The following ARID1B variants were observed in gnomAD, a reference collection of about 807,000 sequenced individuals.
The protein encoded by ARID1B is AT-rich interaction domain 1B, also known as AT-rich interactive domain-containing protein 1B.
A neutral mutation model predicts 212.3 loss-of-function variants in ARID1B; 30 were observed. That is an observed-to-expected ratio of 0.14 (90% confidence interval 0.11 to 0.19). The LOEUF (loss-of-function observed/expected upper bound fraction) is 0.19. ARID1B is among the 10% of genes least tolerant of loss of function. The pLI, the probability that ARID1B is intolerant of heterozygous loss-of-function variation, is 1.00. For missense variants in ARID1B, 2,891 were observed against 3,204.0 expected (o/e 0.90, Z 2.36); for synonymous variants, 1,402 against 1,301.7 (o/e 1.08, Z -1.66).
At chr6:157,017,310 A>C (rs1466006748) in intron 4 of ARID1B, among the ~76,000 whole-genome samples, 1 of 152,242 alleles carries the variant, frequency 6.6e-6, no homozygotes, top group Non-Finnish European at 1.5e-5. Context: ...AGTTTTGGGA[A>C]GGCAGATTGG....
At chr6:156,793,855 A>C (rs1030640914) in intron 1 of ARID1B, among the ~76,000 whole-genome samples, 1 of 152,252 alleles carries the variant, frequency 6.6e-6, no homozygotes, top group Non-Finnish European at 1.5e-5. Context: ...AGTAATAATG[A>C]CTACCATTAA....
At chr6:157,097,548 A>G (rs1380277882) in intron 5 of ARID1B, among the ~76,000 whole-genome samples, 1 of 152,230 alleles carries the variant, frequency 6.6e-6, no homozygotes, top group Non-Finnish European at 1.5e-5. Flanking sequence ...CGCATGTGGC[A>G]CTTCTCATAG....
At chr6:156,788,383 G>A (rs571865840) in intron 1 of ARID1B, among the ~76,000 whole-genome samples, 2 of 152,206 alleles carry the variant, frequency 1.3e-5, no homozygotes, top group Admixed American at 6.5e-5. Context: ...CAGAGCCTAC[G>A]GCTGATGCCA....
At position 157,133,100 on chromosome 6, in the gene ARID1B, C is replaced by T. The variant is rs150140314; in HGVS notation, c.2654C>T (p.Ser885Leu). 376 of 1,614,180 alleles carry T rather than the reference C, an allele frequency of 2.3e-4. No homozygotes were observed. The African/African-American group carries it at 3.7e-3, about 16-fold the overall frequency. The part of the protein sequence containing the change: ...YGPQQTGPSM[S>L]PHPSPGGQMH... The stretch of plus-strand genomic sequence containing the variant: ...CCTCAACAGACAGGACCATCCATGT[C>T]GCCTCATCCTTCTCCTGGGGGCCAG... The change falls in exon 7 of 20, where the codon TCG becomes TTG. Residue 885 changes from serine (S) to leucine (L), a missense_variant. By Grantham distance (145) the Ser-to-Leu change is moderately radical. Transcript: ENST00000636930.
Position 156,779,326 on chromosome 6 carries a change from G to C in ARID1B, c.1646G>C (p.Gly549Ala). The stretch of plus-strand genomic sequence containing the variant: ...GCGGCGGCGGGGGCGGCGGCGGGCG[G>C]CCAGCAGGCGGCCGCGGGCATGGGC... Reference protein sequence around the residue: ...QAAAAGAAAGGQQAAAGMGLG... With the variant: ...QAAAAGAAAGAQQAAAGMGLG... Residue 549 changes from glycine (G) to alanine (A), a missense_variant, in exon 1 of 20, where the codon GGC (glycine) becomes GCC (alanine). Around this residue, in one of 7 missense-constraint regions of ARID1B, gnomAD observed 1,643 missense variants for 1,544.0 expected, o/e 1.06. Transcript: ENST00000636930. 8.8e-7 allele frequency: 1 copy of C among 1,141,088 alleles called. No individual in the cohort carries two copies. Among genetic ancestry groups the C allele is most frequent in the Non-Finnish European group, 1.1e-6 (1 of 931,788 alleles). 70.7% of individuals were successfully genotyped at this position (1,141,088 alleles called of 1,614,324 possible).
chr6:157,092,877 T>C (rs1176480658), intron 5 of ARID1B, among the ~76,000 whole-genome samples: 1 of 152,218 alleles, frequency 6.6e-6, no homozygotes, highest in African/African-American at 2.4e-5. Context: ...ATGGTGGGTC[T>C]AATGGTCCAC....
chr6:157,077,729 C>T, intron 4 of ARID1B, among the ~76,000 whole-genome samples: 1 of 152,156 alleles, frequency 6.6e-6, no homozygotes, highest in Non-Finnish European at 1.5e-5. Context: ...TGTGGTTTGT[C>T]TCTCTTCATT....
Position 157,206,939 on chromosome 6 carries a change from C to G in ARID1B, c.6167C>G (p.Thr2056Ser), listed in dbSNP as rs774896570. The change falls in exon 20 of 20, where the codon ACC (threonine) becomes AGC (serine). Residue 2056 changes from threonine to serine, a missense_variant. Physicochemically the swap from Thr to Ser is moderately conservative, Grantham distance 58. Transcript: ENST00000636930. This position sits in a 1 kb window ranked among gnomAD's most constrained non-coding sequence, Gnocchi z 6.8. The part of the protein sequence containing the change: ...PRSRDETPLC[T>S]IAHWQDSLAK... ...AGCCGAGACGAGACTCCTCTGTGTA[C>G]CATCGCGCACTGGCAGGACTCGCTG... 1 of 1,614,158 alleles carries G rather than the reference C, an allele frequency of 6.2e-7. No homozygotes were observed. The highest frequency in any genetic ancestry group is 2.2e-5 in the East Asian group (1 of 44,880).
chr6:156,797,523 A>G (rs751442783), intron 1 of ARID1B, among the ~76,000 whole-genome samples: 4 of 151,856 alleles, frequency 2.6e-5, no homozygotes, highest in Non-Finnish European at 5.9e-5. Flanking sequence ...CCCCGATGCC[A>G]CCTTTATTTC....
intron 3 of ARID1B, 125 bp downstream of exon 3, chr6:156,901,650 A>T: frequency 8.2e-7 from 1 of 1,223,190 alleles, no homozygotes; most frequent in Non-Finnish European, 1.1e-6. Context: ...TTTTGAGAAA[A>T]TGCATAACTG....
At chr6:156,951,588 C>T (rs1455729806) in intron 4 of ARID1B, among the ~76,000 whole-genome samples, 3 of 151,866 alleles carry the variant, frequency 2.0e-5, no homozygotes, top group Non-Finnish European at 2.9e-5. Context: ...GGACTACAGG[C>T]GCCCGCCACC....
At chr6:157,007,162 A>G (rs925721054) in intron 4 of ARID1B, among the ~76,000 whole-genome samples, 1 of 152,238 alleles carries the variant, frequency 6.6e-6, no homozygotes, top group Non-Finnish European at 1.5e-5. Flanking sequence ...CATGGAAGGG[A>G]CGTAATTTAA....
chr6:156,845,229 T>G (rs536451411), intron 2 of ARID1B, among the ~76,000 whole-genome samples: 2 of 152,214 alleles, frequency 1.3e-5, no homozygotes, highest in Non-Finnish European at 1.5e-5. Context: ...GGTGATCTCC[T>G]GGTCAGAGCT....
intron 2 of ARID1B, among the ~76,000 whole-genome samples, chr6:156,882,143 G>C (rs1460900767): frequency 2.0e-5 from 3 of 152,070 alleles, no homozygotes; most frequent in Admixed American, 6.5e-5. Context: ...CTGGGTTGCA[G>C]CTGTTCAACA....
At chr6:157,010,883 T>C (rs1583139714) in intron 4 of ARID1B, among the ~76,000 whole-genome samples, 1 of 152,344 alleles carries the variant, frequency 6.6e-6, no homozygotes, top group East Asian at 1.9e-4. Context: ...TAGATTGTGA[T>C]CACTAATAGA....
intron 6 of ARID1B, among the ~76,000 whole-genome samples, chr6:157,115,723 A>C (rs1787282365): frequency 1.3e-5 from 2 of 152,200 alleles, no homozygotes; most frequent in Non-Finnish European, 2.9e-5. Flanking sequence ...CACCGCACCC[A>C]GCGGAACTTC....
At chr6:157,097,596 C>T (rs977433001) in intron 5 of ARID1B, among the ~76,000 whole-genome samples, 32 of 152,276 alleles carry the variant, frequency 2.1e-4, no homozygotes, top group African/African-American at 4.3e-4. Context: ...TGTCACGAAG[C>T]GTTGGAACCC....
chr6:156,811,409 A>G (rs779304875), intron 1 of ARID1B, among the ~76,000 whole-genome samples: 3 of 152,204 alleles, frequency 2.0e-5, no homozygotes, highest in Non-Finnish European at 4.4e-5. Context: ...TATAATTCAT[A>G]AAAATAGCAG....
At chr6:157,108,699 A>G (rs1786670055) in intron 5 of ARID1B, among the ~76,000 whole-genome samples, 2 of 152,180 alleles carry the variant, frequency 1.3e-5, no homozygotes, top group Admixed American at 1.3e-4. Flanking sequence ...GGTGTTTTTT[A>G]CTTTACATTT....
Sources: allele counts gnomAD v4.1 joint callset (sites outside exome capture counted in the v4.1 genomes callset), GRCh38; gene constraint gnomAD v4.1.1; regional missense constraint gnomAD v4.1.1; non-coding constraint Gnocchi (gnomAD v3.1); transcripts MANE v1.5; gene names NCBI Gene and HGNC (gene_info 2026-07-23, HGNC 2026-07-21).